CLMN: variants seen among roughly 807,000 people sequenced by gnomAD.
CLMN encodes the protein calmin, also known as calmin (calponin-like, transmembrane).
In CLMN, 57 loss-of-function variants were observed where a neutral mutation model predicts 92.7. The ratio of observed to expected loss-of-function variants is 0.61; its 90% CI spans 0.50 to 0.77. CLMN has a LOEUF of 0.77. Ranked by LOEUF, CLMN falls within the 30% of genes least tolerant of loss-of-function variation. The pLI is 0.00. For synonymous variants in CLMN, 466 were observed against 470.6 expected, an observed-to-expected ratio of 0.99 and a Z score of 0.13; for missense variants, 1,158 against 1,237.5, an observed-to-expected ratio of 0.94 and a Z score of 0.96.
At chr14:95,292,888 G>C (rs58086956) in intron 1 of CLMN, among the ~76,000 whole-genome samples, 152,185 of 152,188 alleles carry the variant, frequency 1, 76,091 homozygotes, top group Middle Eastern at 1. Flanking sequence ...ATGGCTAATT[G>C]CACCCCAGCA....
chr14:95,215,815 C>CTGTGTGTGTGTG (rs57063101), intron 4 of CLMN, 82 bp from the exon 5 acceptor site: 2 of 571,806 alleles, frequency 3.5e-6, no homozygotes, highest in Non-Finnish European at 6.1e-6. Context: ...CTCTCTCTCT[C>CTGTGTGTGTGTG]TGTGTGTGTG....
At position 95,196,635 on chromosome 14, in the gene CLMN, T is replaced by G. The variant is rs1191968055; in HGVS notation, c.2571A>C (p.Lys857Asn). The G allele has an allele frequency of 6.2e-7, 1 of 1,614,050 alleles. No homozygotes were observed. Among genetic ancestry groups the G allele is most frequent in the African/African-American group, 1.3e-5 (1 of 74,924 alleles). Residue 857 changes from lysine to asparagine, a missense_variant, in exon 10 of 13, where the codon AAA becomes AAC. Physicochemically the swap from Lys to Asn is moderately conservative, Grantham distance 94. Coordinates refer to ENST00000298912, the MANE Select transcript of CLMN (RefSeq NM_024734.4). ...CCTTTTTTTTACTACTGATTGATTCTTTCGTTACATTTTCTTCTAGGGGGT... is the reference window on the plus strand; with the variant it reads ...CCTTTTTTTTACTACTGATTGATTCGTTCGTTACATTTTCTTCTAGGGGGT... ...IANPLEENVT[K>N]ESISSKKKEK...
At chr14:95,293,376 C>CTTTT (rs1900677529) in intron 1 of CLMN, among the ~76,000 whole-genome samples, 3 of 125,614 alleles carry the variant, frequency 2.4e-5, no homozygotes, top group African/African-American at 9.1e-5. Context: ...CTCCTTCCTT[C>CTTTT]CCTCCCTCCT....
intron 1 of CLMN, among the ~76,000 whole-genome samples, chr14:95,286,727 A>AT (rs2140750540): frequency 6.6e-6 from 1 of 152,366 alleles, no homozygotes; most frequent in Admixed American, 6.5e-5. Flanking sequence ...CATAAAGACC[A>AT]AGAGTCTGCA....
intron 1 of CLMN, among the ~76,000 whole-genome samples, chr14:95,282,270 A>C (rs1226815938): frequency 6.6e-6 from 1 of 152,242 alleles, no homozygotes; most frequent in Non-Finnish European, 1.5e-5. Context: ...CTAGGGAACC[A>C]TGGAGAGTGG....
intron 1 of CLMN, among the ~76,000 whole-genome samples, chr14:95,272,441 T>A (rs1236846122): frequency 6.6e-6 from 1 of 152,206 alleles, no homozygotes; most frequent in African/African-American, 2.4e-5. Flanking sequence ...CAGCCATTCA[T>A]CCACATGCTC....
chr14:95,201,187 A>T (rs553097939), intron 9 of CLMN, among the ~76,000 whole-genome samples: 219 of 150,254 alleles, frequency 1.5e-3, no homozygotes, highest in African/African-American at 3.8e-3. Context: ...ATATATATAT[A>T]TTTTTTGTTT....
chr14:95,198,826 A>G (rs1760290494), intron 9 of CLMN, among the ~76,000 whole-genome samples: 1 of 152,238 alleles, frequency 6.6e-6, no homozygotes, highest in Non-Finnish European at 1.5e-5. Flanking sequence ...ACAAACTGCC[A>G]CATTTGTATT....
chr14:95,211,471 C>T (rs1041811058), intron 6 of CLMN, among the ~76,000 whole-genome samples: 6 of 152,142 alleles, frequency 3.9e-5, no homozygotes, highest in East Asian at 1.9e-4. Flanking sequence ...AATAAAAGCA[C>T]CATTGTAAAA....
intron 1 of CLMN, among the ~76,000 whole-genome samples, chr14:95,258,282 T>G (rs1271576749): frequency 6.6e-6 from 1 of 150,884 alleles, no homozygotes; most frequent in Non-Finnish European, 1.5e-5. Context: ...TGGGGGCGTG[T>G]GTGTGGTGTG....
intron 1 of CLMN, among the ~76,000 whole-genome samples, chr14:95,269,963 A>G (rs1410904594): frequency 6.6e-6 from 1 of 152,142 alleles, no homozygotes; most frequent in East Asian, 1.9e-4. Context: ...AACTTCTACT[A>G]TGTTAAACCA....
chr14:95,194,119 A>G lies in CLMN; in HGVS notation c.2770-200T>C. On this transcript the variant is annotated intron_variant, in intron 11 of 12. Transcript: ENST00000298912. The surrounding 1 kb of genome is among the most constrained non-coding windows in gnomAD (Gnocchi z 4.0). The stretch of plus-strand genomic sequence containing the variant: ...TCCTCCCCTAAGCCCCTCCCTTGTG[A>G]GTGCGAGAGACCCCACCACCCGGAA... The G allele has an allele frequency of 7.0e-7, 1 of 1,418,792 alleles. No individual in the cohort carries two copies. The allele number at this position is 1,418,792 out of a possible 1,614,324, so 87.9% of individuals were successfully genotyped here.
chr14:95,221,790 G>T lies in CLMN; in HGVS notation c.241-16C>A. 1.2e-6 allele frequency: 2 copies of T among 1,612,786 alleles called. No individual in the cohort carries two copies. Among genetic ancestry groups the T allele is most frequent in the Non-Finnish European group, 1.7e-6 (2 of 1,179,098 alleles). On this transcript the variant is annotated splice_polypyrimidine_tract_variant and intron_variant, in intron 3 of 12. Coordinates refer to ENST00000298912, the MANE Select transcript of CLMN (RefSeq NM_024734.4). ...ATTCGTGCAGCTATAAAACAGAACA[G>T]AACAAAACAAGCACATTAAACCCGC...
At chr14:95,227,719 C>T (rs1897756840) in intron 2 of CLMN, among the ~76,000 whole-genome samples, 1 of 152,230 alleles carries the variant, frequency 6.6e-6, no homozygotes, top group Admixed American at 6.5e-5. Flanking sequence ...GCCCCAAACG[C>T]TCTGTGGGCT....
intron 1 of CLMN, among the ~76,000 whole-genome samples, chr14:95,306,530 A>G (rs1450075118): frequency 6.6e-6 from 1 of 152,108 alleles, no homozygotes; most frequent in Non-Finnish European, 1.5e-5. Flanking sequence ...ACTCCATCTC[A>G]AACAAAAAAA....
At chr14:95,248,687 T>G (rs1262237377) in intron 1 of CLMN, among the ~76,000 whole-genome samples, 1 of 152,204 alleles carries the variant, frequency 6.6e-6, no homozygotes, top group Non-Finnish European at 1.5e-5. Context: ...TGGTGGTTAT[T>G]TGCAATTTCA....
chr14:95,313,790 T>C (rs1432844538), intron 1 of CLMN, among the ~76,000 whole-genome samples: 4 of 152,264 alleles, frequency 2.6e-5, no homozygotes, highest in Non-Finnish European at 5.9e-5. Flanking sequence ...ATGTGATCTA[T>C]GGCTTGTCGG....
chr14:95,209,702 C>T (rs144195495), intron 7 of CLMN, among the ~76,000 whole-genome samples: 163 of 152,314 alleles, frequency 1.1e-3, no homozygotes, highest in African/African-American at 3.4e-3. Context: ...GCTTCTTATT[C>T]CCAAAATTCT....
At chr14:95,242,306 T>C (rs1334988620) in intron 1 of CLMN, among the ~76,000 whole-genome samples, 7 of 142,580 alleles carry the variant, frequency 4.9e-5, no homozygotes, top group Admixed American at 3.0e-4. Flanking sequence ...TTGCCCAGGC[T>C]GGAGTGCAGT....
Sources: allele counts gnomAD v4.1 joint callset (sites outside exome capture counted in the v4.1 genomes callset), GRCh38; gene constraint gnomAD v4.1.1; non-coding constraint Gnocchi (gnomAD v3.1); transcripts MANE v1.5; gene names NCBI Gene and HGNC (gene_info 2026-07-23, HGNC 2026-07-21).